Variants in RGS8 observed in about 807,000 individuals in gnomAD.
RGS8 encodes regulator of G protein signaling 8.
RGS8 carries 8 observed loss-of-function variants against 21.7 expected under a neutral mutation model. That is an observed-to-expected ratio of 0.37 (90% confidence interval 0.22 to 0.66). The LOEUF (loss-of-function observed/expected upper bound fraction) is 0.66. RGS8 is among the 30% of genes least tolerant of loss of function. RGS8 has a pLI of 0.59. For synonymous variants in RGS8, 80 were observed against 83.6 expected (o/e 0.96, Z 0.24); for missense variants, 157 against 217.9 (o/e 0.72, Z 1.76).
chr1:182,690,525 C>T, the RGS8 span, among the ~76,000 whole-genome samples: 2 of 152,162 alleles, frequency 1.3e-5, no homozygotes, highest in Admixed American at 1.3e-4. Flanking sequence ...TTGGGCGAGT[C>T]ATTTAAATTC....
intron 5 of RGS8, among the ~76,000 whole-genome samples, chr1:182,657,506 C>T (rs1452700790): frequency 6.6e-6 from 1 of 152,152 alleles, no homozygotes; most frequent in African/African-American, 2.4e-5. Flanking sequence ...CACCCCAGAC[C>T]CTGCTCCCTC....
the RGS8 span, among the ~76,000 whole-genome samples, chr1:182,746,565 T>G: frequency 6.6e-6 from 1 of 151,860 alleles, no homozygotes. Flanking sequence ...TACATAAGTA[T>G]CACTTGAACT....
chr1:182,747,993 T>C, the RGS8 span, among the ~76,000 whole-genome samples: 133 of 152,370 alleles, frequency 8.7e-4, no homozygotes, highest in Admixed American at 2.5e-3. Flanking sequence ...AGTTTGCTTT[T>C]TTTAAATTGA....
chr1:182,721,024 T>C, the RGS8 span, among the ~76,000 whole-genome samples: 3 of 88,596 alleles, frequency 3.4e-5, no homozygotes, highest in Admixed American at 2.3e-4. Context: ...TACACATATA[T>C]ATGTGTGTAT....
chr1:182,701,779 C>T, the RGS8 span, among the ~76,000 whole-genome samples: 1 of 152,140 alleles, frequency 6.6e-6, no homozygotes, highest in African/African-American at 2.4e-5. Flanking sequence ...CTTGGATCTC[C>T]CCTTCTTCAC....
intron 1 of RGS8, among the ~76,000 whole-genome samples, chr1:182,679,746 T>C (rs953079807): frequency 1.3e-5 from 2 of 152,034 alleles, no homozygotes; most frequent in African/African-American, 4.8e-5. Context: ...CAAATATATC[T>C]AAATAATGGA....
At chr1:182,718,444 G>A in the RGS8 span, among the ~76,000 whole-genome samples, 11 of 152,228 alleles carry the variant, frequency 7.2e-5, no homozygotes, top group African/African-American at 2.7e-4. Flanking sequence ...CACTCCACAA[G>A]GCAGTGGCAG....
chr1:182,723,627 A>G, the RGS8 span, among the ~76,000 whole-genome samples: 1 of 152,222 alleles, frequency 6.6e-6, no homozygotes, highest in Admixed American at 6.5e-5. Context: ...TTGGTCCCAC[A>G]GACCAACTCA....
the RGS8 span, among the ~76,000 whole-genome samples, chr1:182,751,388 G>A: frequency 8.0e-3 from 1,219 of 152,250 alleles, 13 homozygotes; most frequent in African/African-American, 0.028. Context: ...TATATGTGTT[G>A]AGAACCCTAT....
chr1:182,692,829 C>T, the RGS8 span, among the ~76,000 whole-genome samples: 53 of 152,206 alleles, frequency 3.5e-4, no homozygotes, highest in African/African-American at 1.2e-3. Flanking sequence ...AAGCTGCACA[C>T]CCACAACCTT....
chr1:182,666,723 C>T (rs1452411502), intron 4 of RGS8, 149 bp downstream of exon 5: 1 of 569,288 alleles, frequency 1.8e-6, no homozygotes, highest in Non-Finnish European at 3.2e-6. Flanking sequence ...GGAAAATAAA[C>T]ATTCCTTTCA....
At chr1:182,707,953 G>A in the RGS8 span, among the ~76,000 whole-genome samples, 2 of 152,052 alleles carry the variant, frequency 1.3e-5, no homozygotes, top group African/African-American at 2.4e-5. Context: ...TGATCCACCC[G>A]CCTCGGCCTC....
chr1:182,726,449 T>A, the RGS8 span, among the ~76,000 whole-genome samples: 2 of 152,116 alleles, frequency 1.3e-5, no homozygotes, highest in African/African-American at 2.4e-5. Flanking sequence ...GGTAGGCAAA[T>A]CATCTGATGT....
intron 2 of RGS8, 141 bp from the exon 4 acceptor site, chr1:182,669,893 C>T: frequency 1.1e-6 from 1 of 927,942 alleles, no homozygotes; most frequent in Non-Finnish European, 1.5e-6. Flanking sequence ...TTGTCCTTAG[C>T]AGGGGCGACA....
chr1:182,665,864 C>G, intron 5 of RGS8, 105 bp downstream of exon 6: 3 of 916,894 alleles, frequency 3.3e-6, no homozygotes, highest in Non-Finnish European at 5.2e-6. Context: ...CCACAGAGGT[C>G]TGGAACACCT....
At chr1:182,672,867 C>T (rs773484031), upstream of RGS8, 2 of 1,613,978 alleles carry the variant, frequency 1.2e-6, no homozygotes, top group Non-Finnish European at 1.7e-6. Flanking sequence ...GGAGGACTCT[C>T]TTCCTGCTTG....
At chr1:182,739,301 C>T in the RGS8 span, among the ~76,000 whole-genome samples, 1 of 152,158 alleles carries the variant, frequency 6.6e-6, no homozygotes, top group Non-Finnish European at 1.5e-5. Context: ...CAAAAGATGG[C>T]TTTCTGAGGG....
At chr1:182,736,138 C>T in the RGS8 span, among the ~76,000 whole-genome samples, 83 of 152,242 alleles carry the variant, frequency 5.5e-4, no homozygotes, top group Non-Finnish European at 2.2e-4. Context: ...TGTGACTTGC[C>T]ATAAATAGGA....
At chr1:182,651,303 C>T (rs1028820789) in intron 5 of RGS8, among the ~76,000 whole-genome samples, 1 of 152,164 alleles carries the variant, frequency 6.6e-6, no homozygotes, top group Non-Finnish European at 1.5e-5. Flanking sequence ...GTCAAAAATG[C>T]ACTTAATAAA....
Sources: allele counts gnomAD v4.1 joint callset (sites outside exome capture counted in the v4.1 genomes callset), GRCh38; gene constraint gnomAD v4.1.1; transcripts MANE v1.5; gene names NCBI Gene and HGNC (gene_info 2026-07-23, HGNC 2026-07-21).